The following BBOF1 variants were observed in gnomAD, a reference collection of about 807,000 sequenced individuals.
BBOF1 encodes the protein basal body orientation factor 1, also known as basal body-orientation factor 1.
BBOF1 carries 62 observed loss-of-function variants against 68.0 expected under a neutral mutation model. The observed-to-expected ratio is 0.91, with a 90% confidence interval of 0.74 to 1.13. The LOEUF (loss-of-function observed/expected upper bound fraction) is 1.13. BBOF1 is among the 50% of genes most tolerant of loss of function. BBOF1 has a pLI of 0.00. For missense variants in BBOF1, 534 were observed against 600.1 expected, an observed-to-expected ratio of 0.89 and a Z score of 1.15; for synonymous variants, 208 against 198.8, an observed-to-expected ratio of 1.05 and a Z score of -0.39.
chr14:74,069,769 A>G, downstream of BBOF1, among the ~76,000 whole-genome samples: 1 of 151,966 alleles, frequency 6.6e-6, no homozygotes, highest in Non-Finnish European at 1.5e-5. Context: ...AATAAAAAAT[A>G]TAAAAATAAA....
At position 74,019,370 on chromosome 14, in the gene BBOF1, G is replaced by A. The variant is rs1566783051; in HGVS notation, c.-109G>A. On this transcript the variant is annotated 5_prime_UTR_variant, in exon 1 of 12. Coordinates refer to ENST00000394009, the MANE Select transcript of BBOF1 (RefSeq NM_025057.3). Reference sequence around the variant, plus strand: ...GTGCGCTCTCCGCGCGCCGTCAGCGGCGCGGGTGGGGCATTGCCAGCTCGG... The same window carrying A: ...GTGCGCTCTCCGCGCGCCGTCAGCGACGCGGGTGGGGCATTGCCAGCTCGG... The A allele has an allele frequency of 7.3e-7, 1 of 1,377,500 alleles. No individual in the cohort carries two copies. Among genetic ancestry groups the A allele is most frequent in the Non-Finnish European group, 9.5e-7 (1 of 1,055,648 alleles). 85.3% of individuals were successfully genotyped at this position (1,377,500 alleles called of 1,614,324 possible).
At chr14:74,063,906 C>G (rs532817050) in intron 11 of BBOF1, among the ~76,000 whole-genome samples, 1 of 151,580 alleles carries the variant, frequency 6.6e-6, no homozygotes, top group African/African-American at 2.4e-5. Flanking sequence ...CAAAGTCAGA[C>G]AGCTAATAAC....
chr14:74,024,605 C>T (rs2059383174), intron 2 of BBOF1, among the ~76,000 whole-genome samples: 2 of 152,226 alleles, frequency 1.3e-5, no homozygotes, highest in African/African-American at 2.4e-5. Context: ...GCTGGGACTA[C>T]AGGCACGCAC....
intron 3 of BBOF1, among the ~76,000 whole-genome samples, chr14:74,033,479 A>T (rs886174709): frequency 6.6e-6 from 1 of 152,154 alleles, no homozygotes; most frequent in Non-Finnish European, 1.5e-5. Flanking sequence ...TGAGGCAGGG[A>T]GAATTGCTTG....
At chr14:74,049,153 C>T (rs939532541) in intron 7 of BBOF1, among the ~76,000 whole-genome samples, 1 of 152,110 alleles carries the variant, frequency 6.6e-6, no homozygotes, top group Non-Finnish European at 1.5e-5. Flanking sequence ...GGATTACAGG[C>T]ATGAGCCACC....
Position 74,050,141 on chromosome 14 carries a change from G to A in BBOF1, c.1232G>A (p.Gly411Asp), listed in dbSNP as rs1341580568. 12 of 1,603,136 alleles carry A rather than the reference G, an allele frequency of 7.5e-6. 1 individual carries two copies. The highest frequency in any genetic ancestry group is 1.0e-5 in the Non-Finnish European group (12 of 1,173,932). The change falls in exon 8 of 12, where the codon GGC becomes GAC. Residue 411 changes from glycine (G) to aspartate (D), a missense_variant. Physicochemically the swap from Gly to Asp is moderately conservative, Grantham distance 94. Coordinates refer to ENST00000394009, the MANE Select transcript of BBOF1 (RefSeq NM_025057.3). Reference sequence around the variant, plus strand: ...TATCCCAAAATCAGAACATTTGATGGCAGAGAGCACAGCACCAATAGTGTG... The same window carrying A: ...TATCCCAAAATCAGAACATTTGATGACAGAGAGCACAGCACCAATAGTGTG... ...TEYPKIRTFDGREHSTNSVNQ... is the reference protein window; with the variant it reads ...TEYPKIRTFDDREHSTNSVNQ...
intron 9 of BBOF1, among the ~76,000 whole-genome samples, chr14:74,075,467 G>T (rs1231709295): frequency 6.6e-6 from 1 of 151,966 alleles, no homozygotes; most frequent in Admixed American, 6.6e-5. Context: ...AGACCACCCT[G>T]GGCAACATGG....
chr14:74,019,694 A>G (rs2059209485), intron 1 of BBOF1, among the ~76,000 whole-genome samples, 160 bp downstream of exon 1: 1 of 152,234 alleles, frequency 6.6e-6, no homozygotes, highest in South Asian at 2.1e-4. Context: ...AGTCTGGCAG[A>G]TCTCTACTAT....
intron 9 of BBOF1, among the ~76,000 whole-genome samples, chr14:74,073,557 T>G (rs2060577438): frequency 6.6e-6 from 1 of 152,162 alleles, no homozygotes; most frequent in Non-Finnish European, 1.5e-5. Flanking sequence ...TTAATAAAGA[T>G]TAGCTATTAT....
At chr14:74,074,907 A>G in intron 9 of BBOF1, 1 of 1,575,252 alleles carries the variant, frequency 6.3e-7, no homozygotes, top group Admixed American at 1.7e-5. Context: ...ACCCAAAACT[A>G]TACTGAATTC....
intron 5 of BBOF1, among the ~76,000 whole-genome samples, chr14:74,044,260 A>AAAT (rs2059898921): frequency 1.3e-5 from 2 of 150,664 alleles, no homozygotes; most frequent in Non-Finnish European, 2.9e-5. Context: ...CAATAATAAT[A>AAAT]AAATAAATAA....
chr14:74,072,558 T>C lies in BBOF1; in HGVS notation n.1380-5638T>C, dbSNP rs746196685. The C allele has an allele frequency of 6.8e-6, 11 of 1,614,108 alleles. 1 individual carries two copies. The South Asian group carries it at 7.7e-5, about 11-fold the overall frequency. ...TTACTGGGTTGTGGATATCGATCCA[T>C]TTGTCACTTTTGGATTCAACGAATT... On this transcript the variant is annotated intron_variant and non_coding_transcript_variant, in intron 9 of 12. Transcript: ENST00000492026.
chr14:74,069,850 C>CTTTT (rs779619553), downstream of BBOF1, among the ~76,000 whole-genome samples: 72 of 122,516 alleles, frequency 5.9e-4, 2 homozygotes, highest in African/African-American at 1.5e-3. Flanking sequence ...CTAATCTAAC[C>CTTTT]TTTTTTTTTT....
chr14:74,023,302 G>C (rs1017375076), intron 2 of BBOF1, among the ~76,000 whole-genome samples, 158 bp downstream of exon 2: 39 of 152,112 alleles, frequency 2.6e-4, no homozygotes, highest in African/African-American at 7.7e-4. Flanking sequence ...CACTTTTTCA[G>C]AATGGTTTTA....
In BBOF1 at chr14:74,065,527, G is replaced by A. The variant is rs2060447692; in HGVS notation, c.*828G>A. 3 of 661,650 alleles carry A rather than the reference G, an allele frequency of 4.5e-6. No homozygotes were observed. In the African/African-American group the frequency reaches 5.5e-5, roughly 12 times the overall value. 41.0% of individuals were successfully genotyped at this position (661,650 alleles called of 1,614,324 possible). A position where few individuals can be genotyped will look rare whatever the true frequency, so the allele number is the denominator to read the frequency against. The stretch of plus-strand genomic sequence containing the variant: ...ATTTAAAAAAAAAGTCCTCTCTCAA[G>A]TGTATTCCGTCTTCCAAGTTACCAA... On this transcript the variant is annotated 3_prime_UTR_variant, in exon 12 of 12. Transcript: ENST00000394009.
chr14:74,025,580 G>C (rs1047821573), intron 2 of BBOF1, among the ~76,000 whole-genome samples: 2 of 152,138 alleles, frequency 1.3e-5, no homozygotes, highest in Non-Finnish European at 2.9e-5. Context: ...ATTTAATGCT[G>C]TACTGAATTA....
At chr14:74,043,975 G>A (rs1278547495) in intron 5 of BBOF1, among the ~76,000 whole-genome samples, 2 of 152,036 alleles carry the variant, frequency 1.3e-5, no homozygotes, top group African/African-American at 4.8e-5. Flanking sequence ...GCTGGGCACG[G>A]TGGCTCACGC....
At chr14:74,064,653 T>G (rs1015346549) in intron 11 of BBOF1, 35 bp from the exon 12 acceptor site, 1 of 1,612,196 alleles carries the variant, frequency 6.2e-7, no homozygotes. Context: ...GAAGCAGCTT[T>G]GGCAAAATTT....
At chr14:74,033,988 G>T (rs765671921) in intron 3 of BBOF1, 40 bp from the exon 4 acceptor site, 9 of 1,544,586 alleles carry the variant, frequency 5.8e-6, no homozygotes, top group Non-Finnish European at 7.0e-6. Flanking sequence ...TGGGACTTCT[G>T]TTCTTTTTCC....
Sources: allele counts gnomAD v4.1 joint callset (sites outside exome capture counted in the v4.1 genomes callset), GRCh38; gene constraint gnomAD v4.1.1; transcripts MANE v1.5; gene names NCBI Gene and HGNC (gene_info 2026-07-23, HGNC 2026-07-21).